ARHGEF3: variants seen among roughly 807,000 people sequenced by gnomAD.
ARHGEF3 encodes Rho guanine nucleotide exchange factor 3.
In ARHGEF3, 28 loss-of-function variants were observed where a neutral mutation model predicts 63.2. The ratio of observed to expected loss-of-function variants is 0.44; its 90% CI spans 0.33 to 0.61. The LOEUF (loss-of-function observed/expected upper bound fraction) is 0.61. Among genes scored for constraint, ARHGEF3 ranks in the 20% least tolerant of loss-of-function variants. The pLI, the probability that ARHGEF3 is intolerant of heterozygous loss-of-function variation, is 0.03. For missense variants in ARHGEF3, 533 were observed against 659.3 expected, an observed-to-expected ratio of 0.81 and a Z score of 2.10; for synonymous variants, 266 against 254.2, an observed-to-expected ratio of 1.05 and a Z score of -0.44.
chr3:56,889,328 C>A (rs1185828787), intron 3 of ARHGEF3, among the ~76,000 whole-genome samples: 3 of 152,142 alleles, frequency 2.0e-5, no homozygotes, highest in Non-Finnish European at 4.4e-5. Context: ...TGGCCGTGGT[C>A]CAAGCCTGAA....
chr3:56,802,202 T>TA (rs1489241434), upstream of ARHGEF3, among the ~76,000 whole-genome samples: 1 of 152,150 alleles, frequency 6.6e-6, no homozygotes, highest in African/African-American at 2.4e-5. Context: ...GACCCCATGA[T>TA]AGCTCCTTTC....
At chr3:56,747,064 C>CAGAGAGAGAGAGAG (rs5849167) in intron 6 of ARHGEF3, among the ~76,000 whole-genome samples, 3 of 148,276 alleles carry the variant, frequency 2.0e-5, no homozygotes, top group African/African-American at 5.0e-5. Context: ...CACACACACA[C>CAGAGAGAGAGAGAG]AGAGAGAGAG....
chr3:57,069,079 C>A (rs781019527), intron 1 of ARHGEF3, among the ~76,000 whole-genome samples: 1 of 152,040 alleles, frequency 6.6e-6, no homozygotes, highest in Non-Finnish European at 1.5e-5. Context: ...CTCACCACCA[C>A]GTCTGGATAA....
intron 1 of ARHGEF3, among the ~76,000 whole-genome samples, chr3:57,045,147 A>T (rs1455407372): frequency 1.3e-5 from 2 of 152,130 alleles, no homozygotes; most frequent in Admixed American, 6.5e-5. Context: ...GGCACCTGTA[A>T]TCCCAGCTAC....
chr3:57,051,808 A>G (rs1579171174), intron 1 of ARHGEF3, among the ~76,000 whole-genome samples: 1 of 151,352 alleles, frequency 6.6e-6, no homozygotes, highest in Non-Finnish European at 1.5e-5. Flanking sequence ...TATTAAAAAT[A>G]GAAAAATTAG....
Position 56,864,248 on chromosome 3 carries a change from G to T in ARHGEF3, c.192+18044C>A, listed in dbSNP as rs146039880. Among the ~76,000 whole-genome samples the T allele has an allele frequency of 3.2e-3, 489 of 152,298 alleles. 2 individuals are homozygous for T. Among genetic ancestry groups the T allele is most frequent in the African/African-American group, 0.011 (460 of 41,554 alleles). ...AGCCTTTGAAGCTATGTGTGGTCTG[G>T]TTCCTGTCAACTACTCCAGTCTCAC... On this transcript the variant is annotated intron_variant, in intron 4 of 12. Coordinates refer to the ARHGEF3 transcript ENST00000338458.
intron 1 of ARHGEF3, among the ~76,000 whole-genome samples, chr3:56,795,864 C>T (rs4681699): frequency 0.5 from 75,677 of 151,290 alleles, 19,908 homozygotes; most frequent in Non-Finnish European, 0.56. Context: ...GGTCTTGAAC[C>T]CCTGACCTCG....
chr3:56,803,860 A>T (rs535070352), upstream of ARHGEF3, among the ~76,000 whole-genome samples: 5 of 151,204 alleles, frequency 3.3e-5, no homozygotes, highest in Admixed American at 2.0e-4. Flanking sequence ...ATAGTTTTTT[A>T]AAATATTATA....
rs114857799 is a variant in ARHGEF3, at chr3:56,969,254, T to A, written c.63-10365A>T. On this transcript the variant is annotated intron_variant, in intron 2 of 12. Transcript: ENST00000338458. ...ATAGGACTACCCTATTCAAAACAATTCCAGAATTAACTAGAGACGAGATCG... is the reference window on the plus strand; with the variant it reads ...ATAGGACTACCCTATTCAAAACAATACCAGAATTAACTAGAGACGAGATCG... 6.7e-3 allele frequency among the ~76,000 whole-genome samples: 766 copies of A among 114,014 alleles called. 82 individuals are homozygous for A. The highest frequency in any genetic ancestry group is 0.022 in the African/African-American group (735 of 32,680). The allele number at this position is 114,014 out of a possible 152,430, so 74.8% of individuals were successfully genotyped here.
chr3:56,904,355 G>A (rs75735240), intron 3 of ARHGEF3, among the ~76,000 whole-genome samples: 120 of 152,176 alleles, frequency 7.9e-4, no homozygotes, highest in Admixed American at 2.0e-3. Flanking sequence ...TTGTAGAGAT[G>A]GAGTCTCGCT....
intron 3 of ARHGEF3, among the ~76,000 whole-genome samples, chr3:56,915,292 G>A (rs534182608): frequency 1.4e-4 from 6 of 41,760 alleles, no homozygotes; most frequent in African/African-American, 3.6e-4. Flanking sequence ...TAAGACCCAC[G>A]TCTCCACAAA....
chr3:57,028,822 A>G (rs1703596739), intron 2 of ARHGEF3, among the ~76,000 whole-genome samples: 1 of 152,038 alleles, frequency 6.6e-6, no homozygotes, highest in African/African-American at 2.4e-5. Flanking sequence ...AAAGCCCCTC[A>G]GGAGGTGCCC....
chr3:56,789,222 T>A (rs894153063), intron 1 of ARHGEF3, among the ~76,000 whole-genome samples: 2 of 152,302 alleles, frequency 1.3e-5, no homozygotes, highest in East Asian at 3.9e-4. Flanking sequence ...GGTGGCCAAG[T>A]GCGGATTCAA....
At chr3:56,776,925 A>G (rs1427135383) in intron 1 of ARHGEF3, among the ~76,000 whole-genome samples, 1 of 152,248 alleles carries the variant, frequency 6.6e-6, no homozygotes, top group Non-Finnish European at 1.5e-5. Flanking sequence ...AAAGTTTAAA[A>G]AAAAGAAAAG....
At chr3:56,857,253 C>T (rs1019385922) in intron 4 of ARHGEF3, among the ~76,000 whole-genome samples, 1 of 152,142 alleles carries the variant, frequency 6.6e-6, no homozygotes, top group Non-Finnish European at 1.5e-5. Flanking sequence ...GTTGATTTCC[C>T]TTTCTCCCTC....
chr3:56,986,928 G>A (rs1701566004), intron 2 of ARHGEF3, among the ~76,000 whole-genome samples: 1 of 152,020 alleles, frequency 6.6e-6, no homozygotes, highest in Admixed American at 6.5e-5. Context: ...AAACACTTTG[G>A]AGGCCGGGTG....
chr3:56,912,964 C>A (rs906854862), intron 3 of ARHGEF3, among the ~76,000 whole-genome samples: 3 of 152,052 alleles, frequency 2.0e-5, no homozygotes, highest in Admixed American at 2.0e-4. Context: ...ATTGCAATAC[C>A]TGGTCTTGAC....
chr3:56,776,558 G>A (rs2036294486), intron 1 of ARHGEF3, among the ~76,000 whole-genome samples: 1 of 152,118 alleles, frequency 6.6e-6, no homozygotes, highest in Non-Finnish European at 1.5e-5. Flanking sequence ...GAGGCCTTCT[G>A]TGAGAATAGA....
intron 1 of ARHGEF3, among the ~76,000 whole-genome samples, chr3:57,041,088 CT>C (rs1199622522): frequency 6.6e-6 from 1 of 152,208 alleles, no homozygotes; most frequent in Non-Finnish European, 1.5e-5. Context: ...AACACCTACT[CT>C]TATCTCCCCA....
Sources: gnomAD v4.1 joint callset for allele counts (sites outside exome capture counted in the v4.1 genomes callset) on GRCh38, gnomAD v4.1.1 for gene constraint, MANE v1.5 for transcripts, NCBI Gene and HGNC (gene_info 2026-07-23, HGNC 2026-07-21) for gene names.